The following ERC2 variants were observed in gnomAD, a reference collection of about 807,000 sequenced individuals.
ERC2 encodes the protein ERC protein 2.
In ERC2, 42 loss-of-function variants were observed where a neutral mutation model predicts 114.8. The ratio of observed to expected loss-of-function variants is 0.37; its 90% CI spans 0.29 to 0.47. ERC2 has a LOEUF of 0.47. ERC2 is among the 20% of genes least tolerant of loss of function. The probability of loss-of-function intolerance (pLI) is 0.99; values close to 1 mark genes in which losing one functional copy is unlikely to be tolerated. For missense variants in ERC2, 939 were observed against 1,150.7 expected, an observed-to-expected ratio of 0.82 and a Z score of 2.66; for synonymous variants, 454 against 425.5, an observed-to-expected ratio of 1.07 and a Z score of -0.82.
At chr3:56,416,034 C>A (rs1298930106) in intron 2 of ERC2, among the ~76,000 whole-genome samples, 1 of 152,080 alleles carries the variant, frequency 6.6e-6, no homozygotes, top group Non-Finnish European at 1.5e-5. Flanking sequence ...CCAAGTTGAG[C>A]CTTGGAAACA....
At chr3:55,580,552 A>G (rs1262153384) in intron 17 of ERC2, among the ~76,000 whole-genome samples, 1 of 152,144 alleles carries the variant, frequency 6.6e-6, no homozygotes, top group Non-Finnish European at 1.5e-5. Context: ...TTGCTTTCAT[A>G]AGGGTGCTGG....
In ERC2 at chr3:55,888,494, T is replaced by G; in HGVS notation, c.2459A>C (p.Lys820Thr). ...EKTRQELDAT[K>T]ARLASTQQSL... is the part of the protein sequence containing the mutation. ...CTGTTGTGTGGAGGCGAGGCGTGCT[T>G]TGGTGGCATCCAGTTCCTGTCTGGT... Residue 820 changes from lysine (K) to threonine (T), a missense_variant, in exon 14 of 18, where the codon AAA becomes ACA. By Grantham distance (78) the Lys-to-Thr change is moderately conservative. Coordinates refer to ENST00000288221, the MANE Select transcript of ERC2 (RefSeq NM_015576.3). 1.2e-6 allele frequency: 2 copies of G among 1,613,834 alleles called. No individual in the cohort carries two copies. Among genetic ancestry groups the G allele is most frequent in the Non-Finnish European group, 1.7e-6 (2 of 1,179,834 alleles).
chr3:55,940,323 C>T (rs1424696715), intron 13 of ERC2, among the ~76,000 whole-genome samples: 6 of 152,074 alleles, frequency 3.9e-5, no homozygotes, highest in African/African-American at 4.8e-5. Flanking sequence ...AAAAATCACT[C>T]GAGCCTAGAC....
chr3:56,434,118 C>G, intron 2 of ERC2: 1 of 529,050 alleles, frequency 1.9e-6, no homozygotes, highest in South Asian at 3.0e-5. Flanking sequence ...CCCACCCCAC[C>G]CCTCTCCCCA....
At chr3:55,600,239 G>A (rs2058337073) in intron 17 of ERC2, among the ~76,000 whole-genome samples, 1 of 152,074 alleles carries the variant, frequency 6.6e-6, no homozygotes. Context: ...ACTAAGAAAG[G>A]GAGCAATAAA....
intron 7 of ERC2, among the ~76,000 whole-genome samples, chr3:56,067,691 C>G (rs529512361): frequency 6.6e-6 from 1 of 152,114 alleles, no homozygotes; most frequent in Admixed American, 6.5e-5. Context: ...ATAAATAGCT[C>G]TTATTATTTT....
chr3:56,126,062 C>T (rs2079846492), intron 6 of ERC2, among the ~76,000 whole-genome samples: 1 of 152,236 alleles, frequency 6.6e-6, no homozygotes, highest in Admixed American at 6.5e-5. Context: ...TTTCATCTGA[C>T]TGCACTCTCC....
At position 55,509,752 on chromosome 3, in the gene ERC2, A is replaced by C. The variant is rs2051961993; in HGVS notation, c.*1564T>G. 1.3e-5 allele frequency: 2 copies of C among 152,652 alleles called. No individual in the cohort carries two copies. The highest frequency in any genetic ancestry group is 4.8e-5 in the African/African-American group (2 of 41,464). 9.5% of individuals were successfully genotyped at this position (152,652 alleles called of 1,614,324 possible). On this transcript the variant is annotated 3_prime_UTR_variant, in exon 18 of 18. Transcript: ENST00000288221. The stretch of plus-strand genomic sequence containing the variant: ...CAGAGTTAATTGCACCAACATTTTA[A>C]AAAGTAATAATAATGACTAAATTCA...
At chr3:55,879,877 GC>G (rs929154123) in intron 14 of ERC2, among the ~76,000 whole-genome samples, 6 of 152,090 alleles carry the variant, frequency 3.9e-5, no homozygotes, top group African/African-American at 1.4e-4. Flanking sequence ...TGGCCAGTGG[GC>G]CCCTTCCCCC....
At chr3:56,176,915 G>A (rs553357133) in intron 3 of ERC2, among the ~76,000 whole-genome samples, 3 of 152,138 alleles carry the variant, frequency 2.0e-5, no homozygotes, top group South Asian at 2.1e-4. Flanking sequence ...TGAGCAACGC[G>A]ATCAACTTTC....
intron 6 of ERC2, among the ~76,000 whole-genome samples, chr3:56,113,613 C>G (rs907943916): frequency 6.6e-6 from 1 of 152,178 alleles, no homozygotes; most frequent in Non-Finnish European, 1.5e-5. Context: ...TCACATGAAG[C>G]AAGTCTCCAA....
chr3:56,462,379 C>T (rs1241921455), intron 1 of ERC2, among the ~76,000 whole-genome samples: 1 of 152,142 alleles, frequency 6.6e-6, no homozygotes, highest in African/African-American at 2.4e-5. Context: ...TGTTTCATGC[C>T]CAGTTTTCCC....
intron 3 of ERC2, among the ~76,000 whole-genome samples, chr3:56,187,989 A>G (rs1214387659): frequency 6.6e-6 from 1 of 152,092 alleles, no homozygotes; most frequent in East Asian, 1.9e-4. Flanking sequence ...GCACGCAAAC[A>G]CCTGTGGGGA....
intron 17 of ERC2, among the ~76,000 whole-genome samples, chr3:55,619,985 T>G (rs2059263919): frequency 6.6e-6 from 1 of 152,180 alleles, no homozygotes; most frequent in Admixed American, 6.5e-5. Flanking sequence ...TTAAAGAAAT[T>G]TCACTGACTT....
intron 6 of ERC2, among the ~76,000 whole-genome samples, chr3:56,139,024 G>T (rs2080691585): frequency 6.6e-6 from 1 of 152,066 alleles, no homozygotes; most frequent in Admixed American, 6.5e-5. Flanking sequence ...TGCCAGAAGG[G>T]GAACCCATAC....
At chr3:56,305,103 A>T (rs971120195) in intron 2 of ERC2, among the ~76,000 whole-genome samples, 2 of 152,242 alleles carry the variant, frequency 1.3e-5, no homozygotes, top group Middle Eastern at 3.4e-3. Flanking sequence ...AGAATCTATA[A>T]ATTATTAAAA....
chr3:55,767,267 G>T (rs1384775325), intron 14 of ERC2, among the ~76,000 whole-genome samples: 1 of 152,186 alleles, frequency 6.6e-6, no homozygotes, highest in Non-Finnish European at 1.5e-5. Flanking sequence ...GCGGGCTTAG[G>T]TTTTTGCCAA....
chr3:55,583,888 GC>G (rs11397696), intron 17 of ERC2, among the ~76,000 whole-genome samples: 31 of 151,750 alleles, frequency 2.0e-4, no homozygotes, highest in Non-Finnish European at 3.7e-4. Flanking sequence ...CAACTTGCTA[GC>G]CCCCCTCCCA....
At chr3:55,781,716 C>T (rs553277117) in intron 14 of ERC2, among the ~76,000 whole-genome samples, 8 of 151,554 alleles carry the variant, frequency 5.3e-5, no homozygotes, top group African/African-American at 1.5e-4. Context: ...ACTAAAAATA[C>T]AAAAAATTAG....
Sources: gnomAD v4.1 joint callset for allele counts (sites outside exome capture counted in the v4.1 genomes callset) on GRCh38, gnomAD v4.1.1 for gene constraint, MANE v1.5 for transcripts, NCBI Gene and HGNC (gene_info 2026-07-23, HGNC 2026-07-21) for gene names.